Variants in ANO5 observed in about 807,000 individuals in gnomAD.
ANO5 encodes anoctamin-5.
Under a neutral mutation model 121.0 loss-of-function variants are expected in ANO5, and 109 were observed. That is an observed-to-expected ratio of 0.90 (90% CI 0.77 to 1.06). The LOEUF (loss-of-function observed/expected upper bound fraction) is 1.06. ANO5 is among the 50% of genes least tolerant of loss of function. The probability of loss-of-function intolerance (pLI) is 0.00; values close to 1 mark genes in which losing one functional copy is unlikely to be tolerated. For synonymous variants in ANO5, 406 were observed against 359.9 expected, an observed-to-expected ratio of 1.13 and a Z score of -1.45; for missense variants, 1,064 against 1,078.5, an observed-to-expected ratio of 0.99 and a Z score of 0.19.
intron 21 of ANO5, chr11:22,278,115 C>T (rs892812596): frequency 2.6e-5 from 4 of 151,560 alleles, no homozygotes; most frequent in African/African-American, 9.7e-5. Context: ...TCCAGTATTG[C>T]TACAAAATGC....
intron 2 of ANO5, among the ~76,000 whole-genome samples, chr11:22,210,106 A>G (rs1426086605): frequency 6.6e-6 from 1 of 151,972 alleles, no homozygotes; most frequent in Non-Finnish European, 1.5e-5. Flanking sequence ...ATATAATCAC[A>G]TATAAGTGGA....
intron 9 of ANO5, among the ~76,000 whole-genome samples, chr11:22,245,534 A>G (rs542786760): frequency 1.7e-4 from 26 of 152,102 alleles, no homozygotes; most frequent in Admixed American, 3.9e-4. Flanking sequence ...ATTTGAGAAG[A>G]GTTCACTCTG....
chr11:22,252,124 G>A (rs1853846018), intron 12 of ANO5, among the ~76,000 whole-genome samples: 1 of 150,722 alleles, frequency 6.6e-6, no homozygotes, highest in Admixed American at 6.6e-5. Flanking sequence ...GCAAAGCGGA[G>A]GGATTTATGG....
chr11:22,246,222 T>A (rs1479884654), intron 9 of ANO5, among the ~76,000 whole-genome samples: 1 of 152,188 alleles, frequency 6.6e-6, no homozygotes, highest in African/African-American at 2.4e-5. Flanking sequence ...TTCTTATAGA[T>A]TATAAATGAC....
intron 12 of ANO5, 29 bp from the exon 13 acceptor site, chr11:22,255,341 TC>T (rs781449926): frequency 2.6e-6 from 4 of 1,512,254 alleles, no homozygotes; most frequent in South Asian, 1.3e-5. Context: ...TTTTTTAATA[TC>T]TTTTTTTTAT....
At chr11:22,278,911 C>T (rs1423719171) in intron 21 of ANO5, among the ~76,000 whole-genome samples, 1 of 151,130 alleles carries the variant, frequency 6.6e-6, no homozygotes, top group African/African-American at 2.4e-5. Context: ...TGTTGTCATA[C>T]CTCCACTGTG....
At chr11:22,212,120 A>G (rs1852297039) in intron 3 of ANO5, among the ~76,000 whole-genome samples, 1 of 151,954 alleles carries the variant, frequency 6.6e-6, no homozygotes, top group South Asian at 2.1e-4. Flanking sequence ...AACATATGGA[A>G]AAATATTTTC....
chr11:22,227,221 AATATT>A (rs1240891135), intron 6 of ANO5, 76 bp from the exon 7 acceptor site: 2 of 1,539,330 alleles, frequency 1.3e-6, no homozygotes, highest in Non-Finnish European at 1.8e-6. Flanking sequence ...GATTTTATAA[AATATT>A]ATCCATCTTA....
intron 13 of ANO5, among the ~76,000 whole-genome samples, chr11:22,255,980 G>A (rs545868973): frequency 3.3e-5 from 5 of 152,200 alleles, no homozygotes; most frequent in Non-Finnish European, 7.4e-5. Flanking sequence ...AATTAAAATA[G>A]TATTTATATT....
At position 22,262,899 on chromosome 11, in the gene ANO5, A is replaced by G. The variant is rs758856184; in HGVS notation, c.1801-47A>G. ...TTTCCTTTAGGTGTTGCAAAATTCC[A>G]TCTTTGATCATTCAATTCTGTTTTC... On this transcript the variant is annotated intron_variant, in intron 16 of 21. Transcript: ENST00000324559. The G allele has an allele frequency of 4.2e-6, 6 of 1,445,316 alleles. No individual in the cohort carries two copies. In the African/African-American group the frequency reaches 8.4e-5, roughly 20 times the overall value. 89.5% of individuals were successfully genotyped at this position (1,445,316 alleles called of 1,614,324 possible).
intron 18 of ANO5, 119 bp downstream of exon 18, chr11:22,270,561 C>A: frequency 1.4e-6 from 2 of 1,434,848 alleles, no homozygotes; most frequent in African/African-American, 1.4e-5. Context: ...GACTGGTTGG[C>A]AAAAAAGATG....
Position 22,227,343 on chromosome 11 carries a change from C to A in ANO5, c.405C>A (p.Ala135=), listed in dbSNP as rs560479304. 9.3e-6 allele frequency: 15 copies of A among 1,612,878 alleles called. No individual in the cohort carries two copies. The highest frequency in any genetic ancestry group is 6.6e-5 in the South Asian group (6 of 91,032). ...GAACTTATTTTGTCAAGATCCATGC[C>A]CCTTGGGAGGTATTAGTTACCTATG... ...DGRTYFVKIH[A]PWEVLVTYAE... Residue 135 remains alanine, a synonymous_variant, in exon 7 of 22, where the codon GCC becomes GCA. Transcript: ENST00000324559.
intron 17 of ANO5, among the ~76,000 whole-genome samples, chr11:22,267,091 T>C (rs1459427860): frequency 1.3e-5 from 2 of 152,198 alleles, no homozygotes; most frequent in African/African-American, 4.8e-5. Flanking sequence ...ATTTTCATTA[T>C]TATTTACTAT....
At chr11:22,257,601 CTG>C in intron 13 of ANO5, 77 bp from the exon 14 acceptor site, 1 of 1,178,806 alleles carries the variant, frequency 8.5e-7, no homozygotes, top group Non-Finnish European at 1.3e-6. Context: ...TAACTGGGCT[CTG>C]TGATATTGAC....
chr11:22,274,548 C>CTTTTTTT, intron 19 of ANO5, 21 bp from the exon 20 acceptor site: 2 of 1,266,740 alleles, frequency 1.6e-6, no homozygotes, highest in Middle Eastern at 2.0e-4. Flanking sequence ...TGATCTTCCT[C>CTTTTTTT]TTTTTTTTTT....
intron 10 of ANO5, among the ~76,000 whole-genome samples, 158 bp from the exon 11 acceptor site, chr11:22,250,583 C>T (rs936066308): frequency 6.6e-5 from 10 of 152,180 alleles, no homozygotes; most frequent in African/African-American, 2.2e-4. Flanking sequence ...GAAAACTCTA[C>T]TCCTCAAAGC....
At chr11:22,240,406 T>C (rs7118290) in intron 9 of ANO5, among the ~76,000 whole-genome samples, 8,936 of 152,116 alleles carry the variant, frequency 0.059, 895 homozygotes, top group African/African-American at 0.21. Flanking sequence ...GATTTATACT[T>C]GCATTGCTAT....
At chr11:22,236,807 A>C (rs1409594316) in intron 8 of ANO5, among the ~76,000 whole-genome samples, 2 of 152,220 alleles carry the variant, frequency 1.3e-5, no homozygotes, top group Non-Finnish European at 2.9e-5. Flanking sequence ...TATAAACTAA[A>C]GGCTTCAGTG....
chr11:22,272,189 T>G (rs1162131526), intron 18 of ANO5, among the ~76,000 whole-genome samples: 1 of 152,016 alleles, frequency 6.6e-6, no homozygotes, highest in African/African-American at 2.4e-5. Context: ...GGTCCTCTGT[T>G]GAGTCTTAAT....
Sources: allele counts gnomAD v4.1 joint callset (sites outside exome capture counted in the v4.1 genomes callset), GRCh38; gene constraint gnomAD v4.1.1; transcripts MANE v1.5; gene names NCBI Gene and HGNC (gene_info 2026-07-23, HGNC 2026-07-21).